The following PRKCB variants were observed in gnomAD, a reference collection of about 807,000 sequenced individuals.
The protein encoded by PRKCB is protein kinase C beta.
Under a neutral mutation model 81.5 loss-of-function variants are expected in PRKCB, and 13 were observed. That is an observed-to-expected ratio of 0.16 (90% CI 0.10 to 0.25). The LOEUF (loss-of-function observed/expected upper bound fraction) is 0.25, where lower values mean the gene tolerates loss of function less well. Among genes scored for constraint, PRKCB ranks in the 10% least tolerant of loss-of-function variants. The pLI, the probability that PRKCB is intolerant of heterozygous loss-of-function variation, is 1.00. For synonymous variants in PRKCB, 335 were observed against 321.4 expected (o/e 1.04, Z -0.45); for missense variants, 509 against 875.7 (o/e 0.58, Z 5.29).
At chr16:24,169,513 G>A (rs1279919651) in intron 10 of PRKCB, among the ~76,000 whole-genome samples, 1 of 152,116 alleles carries the variant, frequency 6.6e-6, no homozygotes, top group Non-Finnish European at 1.5e-5. Context: ...AGCACATGAG[G>A]TGTGCTCTAG....
chr16:24,215,809 C>T lies in PRKCB; in HGVS notation c.*993C>T, dbSNP rs1968219072. On this transcript the variant is annotated 3_prime_UTR_variant, in exon 17 of 17. Coordinates refer to ENST00000643927, the MANE Select transcript of PRKCB (RefSeq NM_002738.7). The stretch of plus-strand genomic sequence containing the variant: ...TGTGGGAATGGGATTTGTTACAAAT[C>T]TAGGTTTGTTACTGGCTTCAGAAAG... 1.0e-6 allele frequency: 1 copy of T among 985,446 alleles called. No homozygotes were observed. Among genetic ancestry groups the T allele is most frequent in the African/African-American group, 1.7e-5 (1 of 57,182 alleles). The allele number at this position is 985,446 out of a possible 1,614,324, so 61.0% of individuals were successfully genotyped here.
chr16:24,075,033 C>T (rs1293194526), intron 5 of PRKCB, among the ~76,000 whole-genome samples: 1 of 150,314 alleles, frequency 6.7e-6, no homozygotes, highest in East Asian at 2.0e-4. Flanking sequence ...GCAGAAGGCT[C>T]ACATGAGCCC....
chr16:24,094,404 C>T (rs780602085), intron 7 of PRKCB, 107 bp downstream of exon 7: 27 of 1,413,926 alleles, frequency 1.9e-5, no homozygotes, highest in Non-Finnish European at 2.4e-5. Flanking sequence ...AAACAGAGTC[C>T]CAAAGTGAAG....
At position 23,900,762 on chromosome 16, in the gene PRKCB, A is replaced by T. The variant is rs1033592011; in HGVS notation, c.205+63356A>T. ...TTTTTTTTTTTTTTGTGGCTGTCCCATACGGTCTTCTGTTGATGGGCATAG... is the reference window on the plus strand; with the variant it reads ...TTTTTTTTTTTTTTGTGGCTGTCCCTTACGGTCTTCTGTTGATGGGCATAG... On this transcript the variant is annotated intron_variant, in intron 2 of 16. Transcript: ENST00000643927. 1.2e-4 allele frequency among the ~76,000 whole-genome samples: 13 copies of T among 104,132 alleles called. 1 individual carries two copies. Among genetic ancestry groups the T allele is most frequent in the African/African-American group, 5.4e-4 (13 of 23,896 alleles). 68.3% of individuals were successfully genotyped at this position (104,132 alleles called of 152,430 possible).
intron 10 of PRKCB, among the ~76,000 whole-genome samples, chr16:24,161,110 C>G (rs1967248636): frequency 6.6e-6 from 1 of 151,854 alleles, no homozygotes; most frequent in Non-Finnish European, 1.5e-5. Context: ...TCTTAATAGG[C>G]TCTTAAAAAA....
At chr16:24,074,286 T>C (rs554122121) in intron 5 of PRKCB, among the ~76,000 whole-genome samples, 26 of 152,332 alleles carry the variant, frequency 1.7e-4, no homozygotes, top group African/African-American at 5.3e-4. Flanking sequence ...CACTGTGATG[T>C]CGTGCCTAAG....
At chr16:23,961,899 C>T (rs991344804) in intron 2 of PRKCB, among the ~76,000 whole-genome samples, 2 of 152,088 alleles carry the variant, frequency 1.3e-5, no homozygotes, top group African/African-American at 4.8e-5. Flanking sequence ...CAGGCTGGGT[C>T]ACATAATCAC....
intron 3 of PRKCB, among the ~76,000 whole-genome samples, chr16:24,019,002 TACTC>T (rs1313715981): frequency 1.3e-5 from 2 of 152,164 alleles, no homozygotes; most frequent in Non-Finnish European, 2.9e-5. Context: ...ACTGATGTGT[TACTC>T]ACGGTGGTAG....
At chr16:24,205,727 A>G (rs761419300) in intron 16 of PRKCB, among the ~76,000 whole-genome samples, 3 of 152,234 alleles carry the variant, frequency 2.0e-5, no homozygotes, top group Non-Finnish European at 1.5e-5. Context: ...CCTGGGTTCT[A>G]GAAACGCAGT....
intron 5 of PRKCB, among the ~76,000 whole-genome samples, chr16:24,046,570 A>G (rs1375420677): frequency 1.3e-5 from 2 of 152,210 alleles, no homozygotes; most frequent in African/African-American, 4.8e-5. Context: ...CAGCTTGCTG[A>G]AAATTCCAGG....
chr16:23,912,701 T>G (rs1597242287), intron 2 of PRKCB, among the ~76,000 whole-genome samples: 1 of 150,992 alleles, frequency 6.6e-6, no homozygotes, highest in East Asian at 2.0e-4. Flanking sequence ...TTAGTATAGA[T>G]GGGGTCTCAC....
rs148854796 is a variant in PRKCB, at chr16:23,875,858, C to T, written c.205+38452C>T. ...TATTTAAAAGTAGGATATTTCATAA[C>T]GAAATACCAGTATTAGGTATCTTTT... is the stretch of plus-strand genomic sequence containing the variant. On this transcript the variant is annotated intron_variant, in intron 2 of 16. Transcript: ENST00000643927. 3.6e-3 allele frequency among the ~76,000 whole-genome samples: 547 copies of T among 151,726 alleles called. 4 individuals are homozygous for T. The highest frequency in any genetic ancestry group is 0.013 in the African/African-American group (528 of 41,264).
intron 2 of PRKCB, among the ~76,000 whole-genome samples, chr16:23,923,743 A>C (rs1380174001): frequency 2.0e-5 from 3 of 152,062 alleles, no homozygotes; most frequent in African/African-American, 7.2e-5. Flanking sequence ...TACTGAGATG[A>C]TATTGGCATC....
chr16:24,113,202 C>G (rs1966696363), intron 8 of PRKCB, 133 bp downstream of exon 8: 3 of 606,164 alleles, frequency 4.9e-6, no homozygotes, highest in Non-Finnish European at 8.1e-6. Flanking sequence ...TTCTTCCTCT[C>G]TCTTTTCTTT....
intron 7 of PRKCB, among the ~76,000 whole-genome samples, chr16:24,106,155 C>T (rs1016868159): frequency 2.0e-5 from 3 of 151,726 alleles, no homozygotes; most frequent in Non-Finnish European, 4.4e-5. Context: ...ATCAGACTTC[C>T]CGGGTTAGAA....
At chr16:23,845,114 T>A (rs1465180305) in intron 2 of PRKCB, among the ~76,000 whole-genome samples, 8 of 152,150 alleles carry the variant, frequency 5.3e-5, no homozygotes, top group Admixed American at 5.2e-4. Flanking sequence ...ACTGATTAAG[T>A]TCTATGTGTC....
In PRKCB at chr16:24,026,587, G is replaced by C. The variant is rs1032240150; in HGVS notation, c.289-5549G>C. 1.9e-4 allele frequency among the ~76,000 whole-genome samples: 29 copies of C among 152,188 alleles called. 1 individual carries two copies. The highest frequency in any genetic ancestry group is 1.9e-3 in the Admixed American group (29 of 15,276). ...TGAGGAACTCCTTTCTTCTCTACTA[G>C]GCAGGACTAAGGAAATTCAAACCTG... On this transcript the variant is annotated intron_variant, in intron 3 of 16. Coordinates refer to ENST00000643927, the MANE Select transcript of PRKCB (RefSeq NM_002738.7).
intron 2 of PRKCB, among the ~76,000 whole-genome samples, chr16:23,983,302 G>A (rs1047559889): frequency 3.3e-5 from 5 of 152,158 alleles, no homozygotes; most frequent in Admixed American, 6.5e-5. Flanking sequence ...ACTGTGTAAA[G>A]GAATTACCTG....
intron 16 of PRKCB, among the ~76,000 whole-genome samples, chr16:24,195,078 C>G (rs1422195857): frequency 6.6e-6 from 1 of 152,040 alleles, no homozygotes. Flanking sequence ...TAGCATCCAC[C>G]TGTAGTCCCA....
Sources: allele counts gnomAD v4.1 joint callset (sites outside exome capture counted in the v4.1 genomes callset), GRCh38; gene constraint gnomAD v4.1.1; transcripts MANE v1.5; gene names NCBI Gene and HGNC (gene_info 2026-07-23, HGNC 2026-07-21).